Variants in ZFHX3 observed in about 807,000 individuals in gnomAD.
ZFHX3 encodes zinc finger homeobox 3.
In ZFHX3, 42 loss-of-function variants were observed where a neutral mutation model predicts 279.1. The ratio of observed to expected loss-of-function variants is 0.15; its 90% CI spans 0.12 to 0.19. ZFHX3 has a LOEUF of 0.19. Among genes scored for constraint, ZFHX3 ranks in the 10% least tolerant of loss-of-function variants. ZFHX3 has a pLI of 1.00. For synonymous variants in ZFHX3, 2,293 were observed against 1,957.8 expected (o/e 1.17, Z -4.52); for missense variants, 4,981 against 4,754.0 (o/e 1.05, Z -1.40).
At chr16:73,735,957 T>C (rs1237403691) in intron 1 of ZFHX3, among the ~76,000 whole-genome samples, 5 of 150,894 alleles carry the variant, frequency 3.3e-5, no homozygotes, top group Admixed American at 6.6e-5. Context: ...GCAACAGACA[T>C]GGTGACAGCT....
At chr16:72,836,201 A>G (rs1009472551) in intron 4 of ZFHX3, among the ~76,000 whole-genome samples, 11 of 152,198 alleles carry the variant, frequency 7.2e-5, no homozygotes, top group African/African-American at 7.2e-5. Flanking sequence ...GCCACTCCCT[A>G]TGCCATTCTC....
chr16:73,734,160 G>C (rs530745188), intron 1 of ZFHX3, among the ~76,000 whole-genome samples: 2 of 152,132 alleles, frequency 1.3e-5, no homozygotes, highest in African/African-American at 4.8e-5. Context: ...TGGAGCTCAG[G>C]TGGTAATGCT....
At chr16:73,452,395 T>C (rs1024690162) in intron 3 of ZFHX3, among the ~76,000 whole-genome samples, 1 of 152,224 alleles carries the variant, frequency 6.6e-6, no homozygotes, top group African/African-American at 2.4e-5. Context: ...CCTTTTTATT[T>C]TAATTTTTTA....
chr16:73,390,962 G>A (rs2017000305), intron 3 of ZFHX3, among the ~76,000 whole-genome samples: 1 of 151,722 alleles, frequency 6.6e-6, no homozygotes, highest in Non-Finnish European at 1.5e-5. Flanking sequence ...CGAGAATAGT[G>A]TCACATGCCC....
chr16:73,175,336 C>T (rs1299557835), intron 5 of ZFHX3, among the ~76,000 whole-genome samples: 12 of 152,114 alleles, frequency 7.9e-5, no homozygotes, highest in Non-Finnish European at 8.8e-5. Flanking sequence ...GCTGAGATTG[C>T]ACCACTGCAC....
rs2035299263 is a variant in ZFHX3 at position 72,785,020 on chromosome 16, C to T, written c.*2144G>A. 3 of 152,492 alleles carry T rather than the reference C, an allele frequency of 2.0e-5. No homozygotes were observed. The highest frequency in any genetic ancestry group is 6.5e-5 in the Admixed American group (1 of 15,268). The allele number at this position is 152,492 out of a possible 1,614,324, so 9.4% of individuals were successfully genotyped here. On this transcript the variant is annotated 3_prime_UTR_variant, in exon 10 of 10. Transcript: ENST00000268489. The stretch of plus-strand genomic sequence containing the variant: ...CTGGGGAAAGAAGCCCGAAAGGTGA[C>T]CAATGGAACCTGTATTCACAGTCTT...
intron 4 of ZFHX3, among the ~76,000 whole-genome samples, chr16:73,309,906 CTTTTTTTTTT>C (rs57812149): frequency 2.6e-5 from 3 of 114,404 alleles, no homozygotes; most frequent in Admixed American, 1.9e-4. Flanking sequence ...TTTTTCTTGC[CTTTTTTTTTT>C]TTTTTTTTTT....
chr16:73,655,378 G>T (rs1202733571), intron 2 of ZFHX3, among the ~76,000 whole-genome samples: 3 of 152,136 alleles, frequency 2.0e-5, no homozygotes, highest in African/African-American at 7.2e-5. Context: ...AATTGTACAT[G>T]TAGAAAATCC....
chr16:73,200,942 T>C (rs1968255029), intron 5 of ZFHX3, among the ~76,000 whole-genome samples: 1 of 152,216 alleles, frequency 6.6e-6, no homozygotes, highest in South Asian at 2.1e-4. Flanking sequence ...GAGATAATTG[T>C]AATGAACATG....
chr16:73,493,744 A>C (rs2019091252), intron 2 of ZFHX3, among the ~76,000 whole-genome samples: 1 of 152,056 alleles, frequency 6.6e-6, no homozygotes, highest in African/African-American at 2.4e-5. Context: ...AACTCAAAAA[A>C]ACCATTGTTC....
At chr16:73,463,880 C>T (rs1003137978) in intron 2 of ZFHX3, among the ~76,000 whole-genome samples, 2 of 152,230 alleles carry the variant, frequency 1.3e-5, no homozygotes, top group Non-Finnish European at 2.9e-5. Context: ...CGCAGTGACT[C>T]TGAGAAATTA....
At chr16:73,780,920 T>C (rs187516007) in intron 1 of ZFHX3, among the ~76,000 whole-genome samples, 1 of 152,352 alleles carries the variant, frequency 6.6e-6, no homozygotes, top group Non-Finnish European at 1.5e-5. Context: ...ATTTGCTATT[T>C]ACAGAGAAGT....
chr16:73,439,935 C>CAAA (rs796863818), intron 3 of ZFHX3, among the ~76,000 whole-genome samples: 11 of 92,954 alleles, frequency 1.2e-4, no homozygotes, highest in South Asian at 3.6e-4. Context: ...AAAAAAAACA[C>CAAA]AAAAAAAAAA....
At chr16:73,413,397 C>T (rs1419632395) in intron 3 of ZFHX3, among the ~76,000 whole-genome samples, 2 of 152,118 alleles carry the variant, frequency 1.3e-5, no homozygotes, top group Admixed American at 6.5e-5. Context: ...TGAGTTGGGA[C>T]TGTGTTGGAG....
At chr16:73,629,440 G>A (rs2052447975) in intron 2 of ZFHX3, among the ~76,000 whole-genome samples, 2 of 151,988 alleles carry the variant, frequency 1.3e-5, no homozygotes, top group Admixed American at 6.6e-5. Context: ...TACAAGCAAT[G>A]CAACCTCTAC....
chr16:73,233,239 C>G (rs796590461), intron 5 of ZFHX3: 7 of 151,832 alleles, frequency 4.6e-5, no homozygotes, highest in African/African-American at 1.7e-4. Flanking sequence ...CGTGTGAGCA[C>G]AAGGGGACAG....
At chr16:72,868,983 T>C (rs1423655496) in intron 4 of ZFHX3, among the ~76,000 whole-genome samples, 1 of 152,246 alleles carries the variant, frequency 6.6e-6, no homozygotes, top group African/African-American at 2.4e-5. Context: ...CAGAAGGCTG[T>C]ATTTCCAAAA....
intron 1 of ZFHX3, among the ~76,000 whole-genome samples, chr16:73,693,857 C>T (rs559808535): frequency 6.4e-4 from 97 of 152,164 alleles, no homozygotes; most frequent in African/African-American, 2.2e-3. Context: ...GATGGATTAT[C>T]AAACACCTAC....
intron 3 of ZFHX3, among the ~76,000 whole-genome samples, chr16:72,932,451 G>T (rs766595181): frequency 1.3e-5 from 2 of 151,352 alleles, no homozygotes; most frequent in Non-Finnish European, 2.9e-5. Context: ...GAGAGGAGAT[G>T]GAGATATCCC....
Sources: allele counts gnomAD v4.1 joint callset (sites outside exome capture counted in the v4.1 genomes callset), GRCh38; gene constraint gnomAD v4.1.1; transcripts MANE v1.5; gene names NCBI Gene and HGNC (gene_info 2026-07-23, HGNC 2026-07-21).